Variants in LDLRAD3 observed in about 807,000 individuals in gnomAD.
The protein encoded by LDLRAD3 is low density lipoprotein receptor class A domain containing 3.
Under a neutral mutation model 29.4 loss-of-function variants are expected in LDLRAD3, and 20 were observed. The ratio of observed to expected loss-of-function variants is 0.68; its 90% CI spans 0.48 to 0.99. The LOEUF is 0.99. LDLRAD3 is among the 50% of genes least tolerant of loss of function. The pLI is 0.00. For missense variants in LDLRAD3, 420 were observed against 454.3 expected (o/e 0.92, Z 0.69); for synonymous variants, 157 against 192.7 (o/e 0.81, Z 1.53).
At chr11:36,030,417 G>A (rs1050256682) in intron 1 of LDLRAD3, among the ~76,000 whole-genome samples, 31 of 147,330 alleles carry the variant, frequency 2.1e-4, no homozygotes, top group Non-Finnish European at 3.3e-4. Context: ...TCACTCACTG[G>A]CCTGTGCCTG....
At chr11:36,186,734 C>G (rs1214206237) in intron 4 of LDLRAD3, among the ~76,000 whole-genome samples, 1 of 152,138 alleles carries the variant, frequency 6.6e-6, no homozygotes, top group African/African-American at 2.4e-5. Context: ...TGTGACTGAT[C>G]GTGGCTGAGT....
intron 4 of LDLRAD3, among the ~76,000 whole-genome samples, chr11:36,172,986 T>G (rs1482765078): frequency 2.0e-5 from 3 of 152,202 alleles, no homozygotes; most frequent in Non-Finnish European, 4.4e-5. Context: ...ATTTTTTAAT[T>G]ATCATTTCAA....
At chr11:36,021,169 C>T (rs1383681830) in intron 1 of LDLRAD3, among the ~76,000 whole-genome samples, 3 of 152,004 alleles carry the variant, frequency 2.0e-5, no homozygotes, top group Non-Finnish European at 4.4e-5. Flanking sequence ...AAATGTGAAG[C>T]CAAGGGTGGA....
intron 4 of LDLRAD3, among the ~76,000 whole-genome samples, chr11:36,117,403 A>T (rs996748012): frequency 6.6e-6 from 1 of 152,058 alleles, no homozygotes; most frequent in African/African-American, 2.4e-5. Context: ...CTGGGATATG[A>T]ACTGAAACAA....
At chr11:35,950,266 C>A (rs1417786110) in intron 1 of LDLRAD3, among the ~76,000 whole-genome samples, 2 of 152,086 alleles carry the variant, frequency 1.3e-5, no homozygotes, top group African/African-American at 4.8e-5. Context: ...TGTCACAGTG[C>A]CCAGGCAAAC....
chr11:36,179,485 G>A (rs1007092969), intron 4 of LDLRAD3, among the ~76,000 whole-genome samples: 1 of 151,994 alleles, frequency 6.6e-6, no homozygotes, highest in African/African-American at 2.4e-5. Context: ...GAAAAAAAAG[G>A]TTAGAGCCCA....
intron 2 of LDLRAD3, among the ~76,000 whole-genome samples, chr11:36,054,623 G>A (rs1368847520): frequency 1.3e-5 from 2 of 152,244 alleles, no homozygotes; most frequent in African/African-American, 4.8e-5. Flanking sequence ...GAACAGAATT[G>A]TAAAACATCA....
intron 4 of LDLRAD3, among the ~76,000 whole-genome samples, chr11:36,155,000 C>T (rs192505638): frequency 3.9e-5 from 6 of 152,306 alleles, no homozygotes; most frequent in Admixed American, 2.6e-4. Flanking sequence ...CTGTTTTCCA[C>T]CCTCTCACCC....
intron 1 of LDLRAD3, among the ~76,000 whole-genome samples, chr11:35,959,955 T>C (rs552288578): frequency 4.5e-4 from 68 of 152,156 alleles, no homozygotes; most frequent in African/African-American, 1.6e-3. Flanking sequence ...AAAAATGTAT[T>C]ACAGATAGAG....
intron 1 of LDLRAD3, among the ~76,000 whole-genome samples, chr11:36,033,769 G>A (rs79728001): frequency 0.021 from 3,248 of 152,252 alleles, 80 homozygotes; most frequent in East Asian, 0.092. Flanking sequence ...TCAAGCCCTT[G>A]CCTGGAGATG....
chr11:36,096,265 A>G (rs184059464), intron 3 of LDLRAD3, among the ~76,000 whole-genome samples: 2 of 152,358 alleles, frequency 1.3e-5, no homozygotes, highest in Admixed American at 6.5e-5. Flanking sequence ...AAGTCCTTGC[A>G]GCTGTGATCT....
chr11:36,159,239 G>A (rs188196067), intron 4 of LDLRAD3, among the ~76,000 whole-genome samples: 10 of 152,258 alleles, frequency 6.6e-5, no homozygotes, highest in East Asian at 1.9e-4. Context: ...CACGAAGGCC[G>A]AAGCATCGCT....
intron 4 of LDLRAD3, among the ~76,000 whole-genome samples, chr11:36,202,528 C>T (rs918107362): frequency 2.0e-5 from 3 of 152,122 alleles, no homozygotes; most frequent in Non-Finnish European, 4.4e-5. Flanking sequence ...GAGTCACTTG[C>T]GTAGCAAATG....
At chr11:36,189,902 A>G (rs66503254) in intron 4 of LDLRAD3, among the ~76,000 whole-genome samples, 6,028 of 152,284 alleles carry the variant, frequency 0.04, 397 homozygotes, top group African/African-American at 0.13. Context: ...TACAAAGGAC[A>G]TGAACTCATC....
At chr11:35,987,716 T>C (rs906556350) in intron 1 of LDLRAD3, among the ~76,000 whole-genome samples, 2 of 152,238 alleles carry the variant, frequency 1.3e-5, no homozygotes, top group Non-Finnish European at 2.9e-5. Context: ...TGGTGCTACG[T>C]TGAACATACG....
intron 1 of LDLRAD3, among the ~76,000 whole-genome samples, chr11:36,024,731 G>T (rs1852141424): frequency 1.3e-5 from 2 of 152,218 alleles, no homozygotes; most frequent in African/African-American, 2.4e-5. Context: ...AAGCCAGGGG[G>T]CCCTACCAAG....
At position 36,228,636 on chromosome 11, in the gene LDLRAD3, G is replaced by A. The variant is rs149290949; in HGVS notation, c.801-524G>A. ...CTCATGAGAAGCCTTCAGTAAATGA[G>A]AGCTAGAAAATAAAATGTCTTTTCT... On this transcript the variant is annotated intron_variant, in intron 5 of 5. Coordinates refer to ENST00000315571, the MANE Select transcript of LDLRAD3 (RefSeq NM_174902.4). Among the ~76,000 whole-genome samples, 16 of 152,332 alleles carry A rather than the reference G, an allele frequency of 1.1e-4. No individual in the cohort carries two copies. The East Asian group carries it at 2.9e-3, about 28-fold the overall frequency.
chr11:35,958,628 T>C (rs901276914), intron 1 of LDLRAD3, among the ~76,000 whole-genome samples: 1 of 152,168 alleles, frequency 6.6e-6, no homozygotes, highest in Admixed American at 6.5e-5. Context: ...GTGTTACTAT[T>C]GCATTTTGTT....
chr11:35,948,170 TA>T (rs1851083917), intron 1 of LDLRAD3, among the ~76,000 whole-genome samples: 2 of 152,174 alleles, frequency 1.3e-5, no homozygotes, highest in South Asian at 2.1e-4. Context: ...ATTCCCCTCT[TA>T]AAATGTGTTT....
Sources: allele counts gnomAD v4.1 joint callset (sites outside exome capture counted in the v4.1 genomes callset), GRCh38; gene constraint gnomAD v4.1.1; transcripts MANE v1.5; gene names NCBI Gene and HGNC (gene_info 2026-07-23, HGNC 2026-07-21).